Variants in ARHGAP24 observed in about 807,000 individuals in gnomAD.
ARHGAP24 encodes Rho GTPase activating protein 24, also known as rho GTPase-activating protein 24.
ARHGAP24 carries 50 observed loss-of-function variants against 76.4 expected under a neutral mutation model. The observed-to-expected ratio is 0.65, with a 90% CI of 0.52 to 0.83. The LOEUF (loss-of-function observed/expected upper bound fraction) is 0.83, where lower values mean the gene tolerates loss of function less well. Ranked by LOEUF, ARHGAP24 falls within the 40% of genes least tolerant of loss-of-function variation. ARHGAP24 has a pLI of 0.00. For missense variants in ARHGAP24, 930 were observed against 914.2 expected (o/e 1.02, Z -0.22); for synonymous variants, 345 against 323.3 (o/e 1.07, Z -0.72).
intron 3 of ARHGAP24, among the ~76,000 whole-genome samples, chr4:85,755,954 T>C (rs4693735): frequency 0.15 from 22,908 of 152,110 alleles, 2,386 homozygotes; most frequent in East Asian, 0.54. Context: ...TATTCTTTTA[T>C]ACCAATTGTG....
chr4:85,727,954 A>G (rs1318314704), intron 3 of ARHGAP24, among the ~76,000 whole-genome samples: 2 of 152,152 alleles, frequency 1.3e-5, no homozygotes, highest in Non-Finnish European at 2.9e-5. Context: ...GGAAAAAAAT[A>G]AGATAAATTT....
At chr4:85,916,071 C>T (rs1735368467) in intron 3 of ARHGAP24, among the ~76,000 whole-genome samples, 1 of 152,130 alleles carries the variant, frequency 6.6e-6, no homozygotes, top group Non-Finnish European at 1.5e-5. Context: ...TCTACATCCT[C>T]TCTAGCATCT....
At chr4:85,683,107 TGTGGGGGG>T (rs1723271937) in intron 2 of ARHGAP24, among the ~76,000 whole-genome samples, 1 of 12,846 alleles carries the variant, frequency 7.8e-5, no homozygotes, top group African/African-American at 2.4e-4. Flanking sequence ...TCTCTCAGTG[TGTGGGGGG>T]GTGGGGGGGG....
chr4:85,808,304 T>A (rs1578248218), intron 3 of ARHGAP24, among the ~76,000 whole-genome samples: 1 of 152,330 alleles, frequency 6.6e-6, no homozygotes, highest in South Asian at 2.1e-4. Context: ...TTAACTTACT[T>A]TTCAACTCCC....
intron 2 of ARHGAP24, among the ~76,000 whole-genome samples, chr4:85,704,536 C>T (rs1724224418): frequency 6.6e-6 from 1 of 152,056 alleles, no homozygotes; most frequent in African/African-American, 2.4e-5. Flanking sequence ...GCCAAAGTAC[C>T]TTCATGAAGT....
chr4:85,862,257 C>T (rs1283574669), intron 3 of ARHGAP24, among the ~76,000 whole-genome samples: 1 of 151,946 alleles, frequency 6.6e-6, no homozygotes, highest in Non-Finnish European at 1.5e-5. Context: ...CATAGAGACT[C>T]CAGCACAGCC....
At chr4:85,926,151 C>T (rs537723080) in intron 4 of ARHGAP24, among the ~76,000 whole-genome samples, 9 of 152,142 alleles carry the variant, frequency 5.9e-5, no homozygotes, top group African/African-American at 1.4e-4. Context: ...ACTGGGTGAG[C>T]TGTATATGTG....
At chr4:85,610,627 C>A (rs147328824) in intron 2 of ARHGAP24, among the ~76,000 whole-genome samples, 6 of 152,042 alleles carry the variant, frequency 3.9e-5, no homozygotes, top group Admixed American at 1.3e-4. Flanking sequence ...TGGTTTCTAG[C>A]GTCGTGGGGA....
rs1325531567 is a variant in ARHGAP24, at chr4:85,875,575, A to G, written c.269-48073A>G. 1.4e-3 allele frequency among the ~76,000 whole-genome samples: 152 copies of G among 106,442 alleles called. 1 individual carries two copies. The highest frequency in any genetic ancestry group is 5.7e-3 in the African/African-American group (148 of 26,092). The allele number at this position is 106,442 out of a possible 152,430, so 69.8% of individuals were successfully genotyped here. On this transcript the variant is annotated intron_variant, in intron 3 of 9. Transcript: ENST00000395184. The stretch of plus-strand genomic sequence containing the variant: ...ATATTATATTTTTATATTATATAAT[A>G]TATAATATATATTTTATATTATATT...
intron 3 of ARHGAP24, among the ~76,000 whole-genome samples, chr4:85,767,864 T>C (rs1289866415): frequency 6.6e-6 from 1 of 152,144 alleles, no homozygotes; most frequent in East Asian, 1.9e-4. Context: ...GGGAATAGAG[T>C]GCATGTTTGT....
intron 3 of ARHGAP24, among the ~76,000 whole-genome samples, chr4:85,758,202 TGA>T (rs1296505735): frequency 1.3e-5 from 2 of 152,192 alleles, no homozygotes; most frequent in Non-Finnish European, 2.9e-5. Flanking sequence ...ACTAGTATAA[TGA>T]GAGGAGACTG....
chr4:85,731,287 GTATAC>G (rs968649395), intron 3 of ARHGAP24, among the ~76,000 whole-genome samples: 1 of 152,146 alleles, frequency 6.6e-6, no homozygotes, highest in Non-Finnish European at 1.5e-5. Context: ...TTAAGAGTCA[GTATAC>G]TCTGCATTTC....
At chr4:85,555,787 A>G (rs576990611) in intron 1 of ARHGAP24, among the ~76,000 whole-genome samples, 1 of 152,290 alleles carries the variant, frequency 6.6e-6, no homozygotes, top group East Asian at 1.9e-4. Flanking sequence ...AGTTGGGGCT[A>G]TCAGCCTGGG....
intron 2 of ARHGAP24, among the ~76,000 whole-genome samples, chr4:85,621,240 AGT>A (rs1720708889): frequency 6.6e-6 from 1 of 152,004 alleles, no homozygotes; most frequent in African/African-American, 2.4e-5. Context: ...TACTAGTACA[AGT>A]GTCTTTTGGG....
intron 1 of ARHGAP24, among the ~76,000 whole-genome samples, chr4:85,501,864 T>G (rs1723831087): frequency 6.6e-6 from 1 of 152,178 alleles, no homozygotes; most frequent in Non-Finnish European, 1.5e-5. Context: ...AGGTCTAACA[T>G]TAAAGTCTTT....
intron 8 of ARHGAP24, chr4:85,991,612 G>A (rs534675517): frequency 6.6e-6 from 1 of 152,238 alleles, no homozygotes; most frequent in East Asian, 1.9e-4. Flanking sequence ...TCTACATACT[G>A]TATTATTCCA....
chr4:85,878,052 A>G (rs1467887655), intron 3 of ARHGAP24, among the ~76,000 whole-genome samples: 1 of 152,138 alleles, frequency 6.6e-6, no homozygotes, highest in Admixed American at 6.6e-5. Flanking sequence ...CATAATATCT[A>G]ACTGAATTAT....
chr4:85,896,806 TC>T (rs1734204557), intron 3 of ARHGAP24, among the ~76,000 whole-genome samples: 1 of 152,180 alleles, frequency 6.6e-6, no homozygotes, highest in African/African-American at 2.4e-5. Context: ...GTCTCATTTC[TC>T]TCTTTGAATG....
At chr4:85,567,283 G>A (rs1726888407) in intron 1 of ARHGAP24, among the ~76,000 whole-genome samples, 1 of 152,160 alleles carries the variant, frequency 6.6e-6, no homozygotes, top group African/African-American at 2.4e-5. Flanking sequence ...GAAGCAGTGA[G>A]ACTCCTTGGA....
Sources: allele counts gnomAD v4.1 joint callset (sites outside exome capture counted in the v4.1 genomes callset), GRCh38; gene constraint gnomAD v4.1.1; transcripts MANE v1.5; gene names NCBI Gene and HGNC (gene_info 2026-07-23, HGNC 2026-07-21).